The following AFTPH variants were observed in gnomAD, a reference collection of about 807,000 sequenced individuals.
AFTPH encodes aftiphilin.
A neutral mutation model predicts 72.5 loss-of-function variants in AFTPH; 7 were observed. That is an observed-to-expected ratio of 0.10 (90% confidence interval 0.05 to 0.18). The LOEUF is 0.18. AFTPH is among the 10% of genes least tolerant of loss of function. The pLI, the probability that AFTPH is intolerant of heterozygous loss-of-function variation, is 1.00. For synonymous variants in AFTPH, 337 were observed against 370.1 expected (o/e 0.91, Z 1.03); for missense variants, 979 against 1,060.5 (o/e 0.92, Z 1.07).
chr2:64,562,161 A>G (rs1295569065), intron 2 of AFTPH, among the ~76,000 whole-genome samples: 2 of 152,130 alleles, frequency 1.3e-5, no homozygotes, highest in African/African-American at 4.8e-5. Flanking sequence ...GGAGTAATAC[A>G]TGTAGAGCGT....
intron 1 of AFTPH, among the ~76,000 whole-genome samples, chr2:64,538,267 T>C (rs371267208): frequency 6.6e-6 from 1 of 152,338 alleles, no homozygotes; most frequent in Admixed American, 6.5e-5. Flanking sequence ...ATAAATGTTA[T>C]ATATTTTTTT....
chr2:64,573,610 C>T (rs992183815), intron 6 of AFTPH, among the ~76,000 whole-genome samples: 2 of 151,998 alleles, frequency 1.3e-5, no homozygotes, highest in African/African-American at 4.8e-5. Context: ...TTATTTAACT[C>T]GAAAATGATG....
chr2:64,524,795 G>T (rs1202266048), intron 1 of AFTPH, among the ~76,000 whole-genome samples, 183 bp downstream of exon 1: 1 of 152,260 alleles, frequency 6.6e-6, no homozygotes, highest in African/African-American at 2.4e-5. Context: ...CTTCTGCGGC[G>T]AGTGCGGGAA....
chr2:64,570,437 A>C (rs1414110728), intron 5 of AFTPH, among the ~76,000 whole-genome samples: 3 of 152,234 alleles, frequency 2.0e-5, no homozygotes, highest in African/African-American at 7.2e-5. Context: ...TTGACCTTTA[A>C]ATCTACAAAC....
At chr2:64,569,357 G>A (rs1471288915) in intron 4 of AFTPH, 139 bp downstream of exon 4, 4 of 1,197,140 alleles carry the variant, frequency 3.3e-6, no homozygotes, top group South Asian at 1.7e-5. Context: ...TATATTGAAT[G>A]TGCTGACTTT....
chr2:64,547,023 T>C (rs1162014065), intron 1 of AFTPH, among the ~76,000 whole-genome samples: 2 of 152,126 alleles, frequency 1.3e-5, no homozygotes, highest in African/African-American at 4.8e-5. Flanking sequence ...CACTCCAGCC[T>C]GGGCGACAGA....
chr2:64,579,442 C>G (rs747200386), intron 6 of AFTPH, 44 bp from the exon 7 acceptor site: 1 of 1,510,160 alleles, frequency 6.6e-7, no homozygotes, highest in South Asian at 1.2e-5. Context: ...TACGTTGCTA[C>G]AACCTGTACT....
At position 64,587,799 on chromosome 2, in the gene AFTPH, G is replaced by A. The variant is rs565220536; in HGVS notation, c.2579+2254G>A. On this transcript the variant is annotated intron_variant, in intron 8 of 8. Coordinates refer to ENST00000238856, the Ensembl canonical transcript of AFTPH. ...TTTTTTAAAGAAGTGCAAGTTCTTA[G>A]TTTTAAAATAGTTCCATCTTCTTGC... Among the ~76,000 whole-genome samples, 364 of 152,302 alleles carry A rather than the reference G, an allele frequency of 2.4e-3. 2 individuals are homozygous for A. The highest frequency in any genetic ancestry group is 0.017 in the Middle Eastern group (5 of 294).
At chr2:64,555,988 A>ATTTTTTTTTTTTT (rs1671340299) in intron 2 of AFTPH, among the ~76,000 whole-genome samples, 1 of 131,664 alleles carries the variant, frequency 7.6e-6, no homozygotes, top group Admixed American at 7.0e-5. Context: ...CGAATTCCTC[A>ATTTTTTTTTTTTT]CTTTTTTTTT....
intron 7 of AFTPH, 49 bp downstream of exon 7, chr2:64,579,595 C>A: frequency 6.6e-7 from 1 of 1,516,848 alleles, no homozygotes; most frequent in Non-Finnish European, 9.1e-7. Context: ...GTTAAGAAAG[C>A]TACAAAGTTC....
chr2:64,588,263 G>A (rs529368812), intron 8 of AFTPH, among the ~76,000 whole-genome samples: 3 of 152,100 alleles, frequency 2.0e-5, no homozygotes, highest in Admixed American at 2.0e-4. Flanking sequence ...GTTCATTCAT[G>A]TTGTAGTATG....
intron 1 of AFTPH, among the ~76,000 whole-genome samples, chr2:64,535,019 G>A (rs992261395): frequency 6.6e-6 from 1 of 152,032 alleles, no homozygotes; most frequent in African/African-American, 2.4e-5. Context: ...TAAACTCCTT[G>A]TTTTTGAAAT....
intron 8 of AFTPH, among the ~76,000 whole-genome samples, chr2:64,586,697 T>C (rs1298207573): frequency 6.6e-6 from 1 of 152,252 alleles, no homozygotes; most frequent in East Asian, 1.9e-4. Context: ...ATTGTTCTCA[T>C]AGCCCCATGT....
At chr2:64,592,358 A>G (rs1455394459) in exon 9 of AFTPH, 3 of 174,262 alleles carry the variant, frequency 1.7e-5, no homozygotes, top group East Asian at 1.5e-4. Context: ...GAAATAAAAA[A>G]AAAACTCAAA....
intron 2 of AFTPH, 131 bp from the exon 3 acceptor site, chr2:64,567,431 G>C (rs1045884089): frequency 1.2e-6 from 1 of 865,284 alleles, no homozygotes; most frequent in Non-Finnish European, 1.7e-6. Context: ...TTTTCACTCA[G>C]TGTTTTCTGA....
At chr2:64,525,598 T>G (rs1000101717) in intron 1 of AFTPH, 2 of 154,076 alleles carry the variant, frequency 1.3e-5, no homozygotes, top group Admixed American at 6.5e-5. Flanking sequence ...TCCGAGGATT[T>G]TATTTGGTGG....
chr2:64,554,111 C>T (rs531956655), intron 2 of AFTPH, among the ~76,000 whole-genome samples: 1 of 152,276 alleles, frequency 6.6e-6, no homozygotes, highest in African/African-American at 2.4e-5. Flanking sequence ...TTTGCCTATA[C>T]TTTCTTACAA....
chr2:64,552,696 G>A lies in AFTPH; in HGVS notation c.1222G>A (p.Asp408Asn), dbSNP rs200405875. 3.4e-4 allele frequency: 556 copies of A among 1,614,152 alleles called. 1 individual carries two copies. The highest frequency in any genetic ancestry group is 4.1e-4 in the Non-Finnish European group (485 of 1,179,994). ...CCCCACAGAAGAAAATGATTTGGAT[G>A]ATTCTTTAAGTGTAAAAAATGGTGA... The change falls in exon 2 of 9, where the codon GAT becomes AAT. Residue 408 changes from aspartate to asparagine, a missense_variant. Coordinates refer to ENST00000238856, the Ensembl canonical transcript of AFTPH.
intron 2 of AFTPH, among the ~76,000 whole-genome samples, chr2:64,565,720 C>G (rs1032323209): frequency 6.6e-5 from 10 of 152,224 alleles, no homozygotes; most frequent in African/African-American, 2.4e-4. Context: ...TATTTACTGT[C>G]TGGCTCTCTA....
Sources: allele counts gnomAD v4.1 joint callset (sites outside exome capture counted in the v4.1 genomes callset), GRCh38; gene constraint gnomAD v4.1.1; transcripts MANE v1.5; gene names NCBI Gene and HGNC (gene_info 2026-07-23, HGNC 2026-07-21).